The following ANK3 variants were observed in gnomAD, a reference collection of about 807,000 sequenced individuals.
The protein encoded by ANK3 is ankyrin 3, also known as ankyrin-3.
A neutral mutation model predicts 370.9 loss-of-function variants in ANK3; 57 were observed. That is an observed-to-expected ratio of 0.15 (90% CI 0.12 to 0.19). The LOEUF (loss-of-function observed/expected upper bound fraction) is 0.19. Among genes scored for constraint, ANK3 ranks in the 10% least tolerant of loss-of-function variants. The pLI, the probability that ANK3 is intolerant of heterozygous loss-of-function variation, is 1.00. For synonymous variants in ANK3, 1,929 were observed against 1,946.3 expected (o/e 0.99, Z 0.23); for missense variants, 4,439 against 5,302.1 (o/e 0.84, Z 5.06).
chr10:60,572,534 T>G (rs916173982), intron 2 of ANK3: 2 of 1,535,476 alleles, frequency 1.3e-6, no homozygotes, highest in African/African-American at 2.7e-5. Flanking sequence ...TCATCTTTCC[T>G]TTAAATCAGG....
chr10:60,522,399 G>T (rs1354547167), intron 2 of ANK3, among the ~76,000 whole-genome samples: 1 of 150,404 alleles, frequency 6.6e-6, no homozygotes, highest in Non-Finnish European at 1.5e-5. Flanking sequence ...TTTCTGCTTG[G>T]AACATGGCCC....
At chr10:60,363,970 GTTTTT>G (rs113960102) in intron 1 of ANK3, among the ~76,000 whole-genome samples, 16 of 138,206 alleles carry the variant, frequency 1.2e-4, no homozygotes, top group South Asian at 1.1e-3. Flanking sequence ...AAGGAGAAGT[GTTTTT>G]TTTTTTTTTT....
chr10:60,584,528 G>A (rs1048776173), intron 2 of ANK3, among the ~76,000 whole-genome samples: 8 of 152,152 alleles, frequency 5.3e-5, no homozygotes, highest in Admixed American at 4.6e-4. Flanking sequence ...TGAGGCTAGA[G>A]GATCACTTGA....
At chr10:60,301,160 A>G (rs887957123) in intron 1 of ANK3, among the ~76,000 whole-genome samples, 5 of 147,214 alleles carry the variant, frequency 3.4e-5, no homozygotes, top group African/African-American at 1.0e-4. Context: ...CTGTGTGTGT[A>G]TATATATATA....
exon 1 of ANK3, chr10:60,733,308 G>GGAGGAGGCC (rs2080054652): frequency 1.6e-6 from 2 of 1,236,096 alleles, no homozygotes; most frequent in Non-Finnish European, 2.0e-6. Context: ...AGGAGGAGGC[G>GGAGGAGGCC]GAGGAGGCCA....
At chr10:60,482,687 A>G (rs1374475202) in intron 2 of ANK3, among the ~76,000 whole-genome samples, 1 of 152,116 alleles carries the variant, frequency 6.6e-6, no homozygotes, top group Non-Finnish European at 1.5e-5. Context: ...AGGTTTCACC[A>G]CATTACCCAG....
chr10:60,468,599 C>T (rs941162392), intron 2 of ANK3, among the ~76,000 whole-genome samples: 1 of 152,014 alleles, frequency 6.6e-6, no homozygotes, highest in Non-Finnish European at 1.5e-5. Flanking sequence ...ACCATGATTA[C>T]TGATTCATAC....
chr10:60,699,969 G>A (rs945139069), intron 1 of ANK3, among the ~76,000 whole-genome samples: 9 of 152,052 alleles, frequency 5.9e-5, no homozygotes, highest in East Asian at 1.9e-4. Context: ...TTCTTTTAGG[G>A]GATGTAAAGA....
intron 1 of ANK3, among the ~76,000 whole-genome samples, chr10:60,657,371 AAC>A (rs2078878979): frequency 6.6e-6 from 1 of 152,122 alleles, no homozygotes; most frequent in Non-Finnish European, 1.5e-5. Flanking sequence ...GCTGGTCTTG[AAC>A]ACCTGGCCTC....
chr10:60,523,228 C>CTTTAT (rs745656612), intron 2 of ANK3, among the ~76,000 whole-genome samples: 19 of 151,776 alleles, frequency 1.3e-4, no homozygotes, highest in African/African-American at 1.9e-4. Flanking sequence ...ACACATTTTT[C>CTTTAT]TTTATTTTAT....
At position 60,068,950 on chromosome 10, in the gene ANK3, GGTGGTGGTA is replaced by G. The variant is rs750584727; in HGVS notation, c.11922_11930del (p.Thr3976_Thr3978del). On this transcript the variant is annotated inframe_deletion, in exon 37 of 44. Coordinates refer to ENST00000280772, the MANE Select transcript of ANK3 (RefSeq NM_020987.5). The stretch of plus-strand genomic sequence containing the variant: ...TCCTAACTTTAACTGTGCAGCTGGT[GGTGGTGGTA>G]GTGGTGGTAGTGGTGGTGGTGGTGG... 8.2e-5 allele frequency: 133 copies of G among 1,614,012 alleles called. No homozygotes were observed. The highest frequency in any genetic ancestry group is 6.2e-4 in the East Asian group (28 of 44,862).
chr10:60,185,769 A>G (rs1194057313), intron 17 of ANK3, among the ~76,000 whole-genome samples: 3 of 152,158 alleles, frequency 2.0e-5, no homozygotes, highest in Non-Finnish European at 4.4e-5. Flanking sequence ...TTTTGGGTCA[A>G]TCTTAATGAG....
chr10:60,032,034 C>T (rs2073706816), intron 43 of ANK3, among the ~76,000 whole-genome samples: 1 of 151,930 alleles, frequency 6.6e-6, no homozygotes. Flanking sequence ...CTGTTTTTAT[C>T]ATTTAATCCT....
chr10:60,646,029 G>A (rs1185882367), intron 1 of ANK3, among the ~76,000 whole-genome samples: 1 of 151,514 alleles, frequency 6.6e-6, no homozygotes, highest in Non-Finnish European at 1.5e-5. Context: ...CTATGGGGAA[G>A]AGAAGGAGCT....
intron 42 of ANK3, among the ~76,000 whole-genome samples, chr10:60,045,022 T>G (rs1165510707): frequency 6.6e-6 from 1 of 152,232 alleles, no homozygotes; most frequent in Admixed American, 6.5e-5. Context: ...CAAGGGAATT[T>G]AAGATGATAT....
intron 2 of ANK3, among the ~76,000 whole-genome samples, chr10:60,416,934 A>G (rs983209737): frequency 1.3e-5 from 2 of 152,198 alleles, no homozygotes; most frequent in East Asian, 3.9e-4. Context: ...ATTGACTACA[A>G]AAATGGTTTT....
intron 28 of ANK3, among the ~76,000 whole-genome samples, chr10:60,105,298 G>A (rs1004504498): frequency 6.6e-6 from 1 of 151,802 alleles, no homozygotes; most frequent in African/African-American, 2.4e-5. Flanking sequence ...AAGAAAAATT[G>A]CTCTGGTTCT....
At chr10:60,619,943 A>C (rs1373441906) in intron 1 of ANK3, among the ~76,000 whole-genome samples, 1 of 152,178 alleles carries the variant, frequency 6.6e-6, no homozygotes, top group Non-Finnish European at 1.5e-5. Flanking sequence ...AATTACTTTG[A>C]GACTGTGTTA....
intron 1 of ANK3, among the ~76,000 whole-genome samples, chr10:60,679,555 G>GA (rs1445114074): frequency 2.6e-5 from 4 of 152,070 alleles, no homozygotes; most frequent in Non-Finnish European, 4.4e-5. Context: ...GACTGGTAAG[G>GA]AAAAAATGCC....
Sources: gnomAD v4.1 joint callset for allele counts (sites outside exome capture counted in the v4.1 genomes callset) on GRCh38, gnomAD v4.1.1 for gene constraint, MANE v1.5 for transcripts, NCBI Gene and HGNC (gene_info 2026-07-23, HGNC 2026-07-21) for gene names.